Variants in INTS9 observed in about 807,000 individuals in gnomAD.
INTS9 encodes the protein integrator complex subunit 9.
INTS9 carries 55 observed loss-of-function variants against 79.7 expected under a neutral mutation model. That is an observed-to-expected ratio of 0.69 (90% CI 0.56 to 0.86). INTS9 has a LOEUF of 0.86. Ranked by LOEUF, INTS9 falls within the 40% of genes least tolerant of loss-of-function variation. INTS9 has a pLI of 0.00. For synonymous variants in INTS9, 319 were observed against 325.2 expected, an observed-to-expected ratio of 0.98 and a Z score of 0.20; for missense variants, 721 against 831.5, an observed-to-expected ratio of 0.87 and a Z score of 1.64.
At chr8:28,844,643 T>C (rs936553181) in intron 4 of INTS9, among the ~76,000 whole-genome samples, 3 of 152,066 alleles carry the variant, frequency 2.0e-5, no homozygotes, top group Non-Finnish European at 4.4e-5. Context: ...CTGGCCAACA[T>C]GGTGAAACCC....
chr8:28,779,317 G>C lies in INTS9; in HGVS notation c.1271-1364C>G, dbSNP rs545537489. On this transcript the variant is annotated intron_variant, in intron 12 of 16. Coordinates refer to ENST00000521022, the MANE Select transcript of INTS9 (RefSeq NM_018250.4). ...CTGAGAAGAGGAAAGCAGTCCTGGT[G>C]ACCGGGGCCTCTCCTGGCACTTTCT... Among the ~76,000 whole-genome samples, 12 of 152,322 alleles carry C rather than the reference G, an allele frequency of 7.9e-5. No homozygotes were observed. The East Asian group carries it at 2.3e-3, about 29-fold the overall frequency.
rs181751300 is a variant in INTS9, at chr8:28,888,830, G to A, written c.9+1044C>T. Among the ~76,000 whole-genome samples the A allele has an allele frequency of 3.9e-5, 6 of 152,270 alleles. No homozygotes were observed. The East Asian group carries it at 1.2e-3, about 29-fold the overall frequency. ...GCAGAATATATGCCTGTAGCACAAT[G>A]ATTATCAAGATGAGGGTAGGTGTGT... is the stretch of plus-strand genomic sequence containing the variant. On this transcript the variant is annotated intron_variant, in intron 1 of 16. Coordinates refer to ENST00000521022, the MANE Select transcript of INTS9 (RefSeq NM_018250.4).
In INTS9 at chr8:28,795,495, C is replaced by T. The variant is rs1585367252; in HGVS notation, c.856+1049G>A. Among the ~76,000 whole-genome samples, 4 of 152,076 alleles carry T rather than the reference C, an allele frequency of 2.6e-5. 1 individual carries two copies. In the South Asian group the frequency reaches 8.3e-4, roughly 32 times the overall value. ...TCTCTACTAAAAATACAAAAATTAG[C>T]CGGGCACAGTGGCGCACACCTGTAG... On this transcript the variant is annotated intron_variant, in intron 9 of 16. Coordinates refer to ENST00000521022, the MANE Select transcript of INTS9 (RefSeq NM_018250.4).
At chr8:28,847,433 A>G (rs1807585723) in intron 3 of INTS9, among the ~76,000 whole-genome samples, 1 of 151,770 alleles carries the variant, frequency 6.6e-6, no homozygotes, top group Non-Finnish European at 1.5e-5. Flanking sequence ...CTCCTCCACT[A>G]CCACGACTAC....
intron 13 of INTS9, among the ~76,000 whole-genome samples, chr8:28,777,562 TGA>T (rs1185114991): frequency 7.6e-6 from 1 of 132,444 alleles, no homozygotes; most frequent in Non-Finnish European, 1.6e-5. Flanking sequence ...TTGGCAGGGG[TGA>T]GAGGGTTTGC....
chr8:28,769,667 G>T (rs1802414050), intron 16 of INTS9: 2 of 556,994 alleles, frequency 3.6e-6, no homozygotes, highest in Admixed American at 3.4e-5. Context: ...GTCTGGAGAG[G>T]CCTTCTGGTG....
Position 28,879,199 on chromosome 8 carries a change from T to C in INTS9, c.9+10675A>G, listed in dbSNP as rs565457517. On this transcript the variant is annotated intron_variant, in intron 1 of 16. Transcript: ENST00000521022. ...CTCAACAAAATGTTAGCAAACCAAA[T>C]CCAGCAACATATACAAAAGATTAAA... Among the ~76,000 whole-genome samples, 176 of 152,142 alleles carry C rather than the reference T, an allele frequency of 1.2e-3. 2 individuals carry two copies. Among genetic ancestry groups the C allele is most frequent in the African/African-American group, 4.0e-3 (164 of 41,478 alleles).
At chr8:28,889,769 T>C (rs573542066) in intron 1 of INTS9, 105 bp downstream of exon 1, 4 of 1,304,892 alleles carry the variant, frequency 3.1e-6, no homozygotes, top group Non-Finnish European at 4.3e-6. Context: ...AGCTCAATAA[T>C]TGCTACCCCT....
intron 1 of INTS9, among the ~76,000 whole-genome samples, chr8:28,863,028 C>A (rs1808541770): frequency 6.6e-6 from 1 of 152,162 alleles, no homozygotes; most frequent in Non-Finnish European, 1.5e-5. Flanking sequence ...GGATACACTG[C>A]CTGGTACACA....
chr8:28,867,213 A>G (rs1306388769), intron 1 of INTS9, among the ~76,000 whole-genome samples: 1 of 152,230 alleles, frequency 6.6e-6, no homozygotes, highest in African/African-American at 2.4e-5. Flanking sequence ...ACTTGAGGTC[A>G]GGAATTCAAG....
intron 6 of INTS9, among the ~76,000 whole-genome samples, chr8:28,825,652 G>A (rs1806103613): frequency 6.6e-6 from 1 of 152,156 alleles, no homozygotes; most frequent in African/African-American, 2.4e-5. Flanking sequence ...CTCAAAAAGA[G>A]GCTTTGGTCA....
chr8:28,889,129 G>T (rs1039925993), intron 1 of INTS9, among the ~76,000 whole-genome samples: 8 of 152,188 alleles, frequency 5.3e-5, no homozygotes, highest in African/African-American at 1.4e-4. Flanking sequence ...ATTGAATCGA[G>T]TTGGAATAAA....
intron 8 of INTS9, chr8:28,798,545 C>T (rs1804342962): frequency 6.6e-6 from 1 of 152,250 alleles, no homozygotes; most frequent in Non-Finnish European, 1.5e-5. Context: ...GTTGCCCAGG[C>T]TGGAGTGCAG....
chr8:28,847,227 G>A (rs1807569728), intron 3 of INTS9, among the ~76,000 whole-genome samples: 1 of 152,206 alleles, frequency 6.6e-6, no homozygotes, highest in Admixed American at 6.5e-5. Flanking sequence ...ATGAGGCCAT[G>A]GAATATGTAT....
chr8:28,777,978 CT>C (rs1563243765), intron 12 of INTS9, 25 bp from the exon 13 acceptor site: 1 of 1,591,922 alleles, frequency 6.3e-7, no homozygotes, highest in Admixed American at 1.8e-5. Context: ...AGAAAGAAAT[CT>C]TACAATGCAG....
At chr8:28,770,101 C>G in intron 15 of INTS9, 75 bp from the exon 16 acceptor site, 1 of 1,552,078 alleles carries the variant, frequency 6.4e-7, no homozygotes, top group East Asian at 2.2e-5. Context: ...ACACTGAGAG[C>G]CTGAGACTAT....
intron 1 of INTS9, among the ~76,000 whole-genome samples, chr8:28,870,784 A>G (rs1351307811): frequency 6.6e-6 from 1 of 152,170 alleles, no homozygotes; most frequent in Non-Finnish European, 1.5e-5. Context: ...AACGCAGACA[A>G]AAGTGTTTTA....
chr8:28,818,584 G>A (rs1287865187), intron 6 of INTS9, among the ~76,000 whole-genome samples: 3 of 151,612 alleles, frequency 2.0e-5, no homozygotes, highest in Non-Finnish European at 4.4e-5. Flanking sequence ...TTGCATCAAT[G>A]TTCATCAAGG....
intron 1 of INTS9, among the ~76,000 whole-genome samples, chr8:28,881,526 TGG>T (rs1353257164): frequency 8.2e-4 from 7 of 8,528 alleles, no homozygotes; most frequent in African/African-American, 3.3e-3. Context: ...GGGAGGGAGG[TGG>T]GGGGGGTCAG....
Sources: allele counts gnomAD v4.1 joint callset (sites outside exome capture counted in the v4.1 genomes callset), GRCh38; gene constraint gnomAD v4.1.1; transcripts MANE v1.5; gene names NCBI Gene and HGNC (gene_info 2026-07-23, HGNC 2026-07-21).